Variants in TMOD2 observed in about 807,000 individuals in gnomAD.
The protein encoded by TMOD2 is tropomodulin-2.
In TMOD2, 22 loss-of-function variants were observed where a neutral mutation model predicts 39.9. The ratio of observed to expected loss-of-function variants is 0.55; its 90% CI spans 0.39 to 0.79. The LOEUF (loss-of-function observed/expected upper bound fraction) is 0.79, where lower values mean the gene tolerates loss of function less well. TMOD2 is among the 30% of genes least tolerant of loss of function. The pLI, the probability that TMOD2 is intolerant of heterozygous loss-of-function variation, is 0.00. For missense variants in TMOD2, 386 were observed against 413.3 expected (o/e 0.93, Z 0.57); for synonymous variants, 123 against 146.1 (o/e 0.84, Z 1.14).
intron 8 of TMOD2, 151 bp from the exon 9 acceptor site, chr15:51,806,226 A>G (rs2056120461): frequency 2.6e-6 from 2 of 756,588 alleles, no homozygotes. Context: ...ACTGTGAGAG[A>G]AAACTTCTCA....
rs2056170766 is a variant in TMOD2, at chr15:51,813,645, G to C, written c.*5191G>C. On this transcript the variant is annotated 3_prime_UTR_variant, in exon 10 of 10. Coordinates refer to ENST00000249700, the MANE Select transcript of TMOD2 (RefSeq NM_014548.4). The stretch of plus-strand genomic sequence containing the variant: ...TATAGGGGGAAGAGCACTGGATTTG[G>C]AGTCAAGAAACCTGGACACTTGGCT... 6.6e-6 allele frequency: 1 copy of C among 152,286 alleles called. No individual in the cohort carries two copies. The highest frequency in any genetic ancestry group is 3.4e-3 in the Middle Eastern group (1 of 296). 9.4% of individuals were successfully genotyped at this position (152,286 alleles called of 1,614,324 possible).
At chr15:51,781,803 GGAGA>G (rs370122360) in intron 6 of TMOD2, among the ~76,000 whole-genome samples, 2 of 149,332 alleles carry the variant, frequency 1.3e-5, no homozygotes, top group African/African-American at 5.0e-5. Context: ...GGAAAGAGTA[GGAGA>G]GAGAGAGAGA....
chr15:51,768,458 C>CTATT, intron 3 of TMOD2, 40 bp downstream of exon 3: 1 of 1,499,834 alleles, frequency 6.7e-7, no homozygotes. Flanking sequence ...CAGAGGTTCT[C>CTATT]TCTTTTTTTT....
intron 4 of TMOD2, among the ~76,000 whole-genome samples, 168 bp downstream of exon 4, chr15:51,774,002 C>A (rs899631865): frequency 1.3e-5 from 2 of 152,174 alleles, no homozygotes; most frequent in Non-Finnish European, 2.9e-5. Flanking sequence ...ACTCTCTGAG[C>A]AAATGTTATT....
At chr15:51,786,029 A>AAGAT (rs1324432487) in intron 7 of TMOD2, among the ~76,000 whole-genome samples, 1 of 152,160 alleles carries the variant, frequency 6.6e-6, no homozygotes. Context: ...GGACCACAGG[A>AAGAT]AGATATACGT....
At chr15:51,799,184 A>G (rs2056072326) in intron 8 of TMOD2, among the ~76,000 whole-genome samples, 1 of 152,122 alleles carries the variant, frequency 6.6e-6, no homozygotes, top group Admixed American at 6.5e-5. Context: ...CAGACACTAT[A>G]TCTTGAAAAG....
In TMOD2 at chr15:51,812,878, T is replaced by C. The variant is rs909328602; in HGVS notation, c.*4424T>C. On this transcript the variant is annotated 3_prime_UTR_variant, in exon 10 of 10. Transcript: ENST00000249700. ...CTTCCACTTGCAGCTTCCCTTTACCTCCTCTTATTGCTTTCATCTCAAATA... is the reference window on the plus strand; with the variant it reads ...CTTCCACTTGCAGCTTCCCTTTACCCCCTCTTATTGCTTTCATCTCAAATA... 14 of 152,124 alleles carry C rather than the reference T, an allele frequency of 9.2e-5. No individual in the cohort carries two copies. The highest frequency in any genetic ancestry group is 3.1e-4 in the African/African-American group (13 of 41,396). The allele number at this position is 152,124 out of a possible 1,614,324, so 9.4% of individuals were successfully genotyped here. A position where few individuals can be genotyped will look rare whatever the true frequency, so the allele number is the denominator to read the frequency against.
intron 7 of TMOD2, among the ~76,000 whole-genome samples, chr15:51,793,597 G>A (rs1290477818): frequency 6.6e-6 from 1 of 152,136 alleles, no homozygotes; most frequent in South Asian, 2.1e-4. Context: ...TCTAGTCTTT[G>A]TTTTACTAAT....
rs1396529090 is a variant in TMOD2 at position 51,808,523 on chromosome 15, C to G, written c.*69C>G. On this transcript the variant is annotated 3_prime_UTR_variant, in exon 10 of 10. Transcript: ENST00000249700. ...GAAAAACAAAAACTCTTCTTCTTCC[C>G]CATCAGGACCATTTTATCAAAGTTC... 1.6e-6 allele frequency: 2 copies of G among 1,269,884 alleles called. No homozygotes were observed. Among genetic ancestry groups the G allele is most frequent in the Admixed American group, 2.0e-5 (1 of 48,842 alleles). The allele number at this position is 1,269,884 out of a possible 1,614,324, so 78.7% of individuals were successfully genotyped here.
At chr15:51,801,595 C>A (rs2056090691) in intron 8 of TMOD2, among the ~76,000 whole-genome samples, 1 of 152,164 alleles carries the variant, frequency 6.6e-6, no homozygotes, top group African/African-American at 2.4e-5. Flanking sequence ...CCACTGGGGG[C>A]AGGCTGCTGT....
At chr15:51,777,529 C>T (rs1456137404) in intron 5 of TMOD2, among the ~76,000 whole-genome samples, 1 of 152,180 alleles carries the variant, frequency 6.6e-6, no homozygotes, top group Non-Finnish European at 1.5e-5. Context: ...GTGCACAGGA[C>T]ATTCCACACC....
At chr15:51,755,744 G>A (rs1487755370) in intron 1 of TMOD2, among the ~76,000 whole-genome samples, 4 of 152,008 alleles carry the variant, frequency 2.6e-5, no homozygotes, top group Non-Finnish European at 5.9e-5. Flanking sequence ...ACATCATCTA[G>A]GTAAGCACTC....
chr15:51,771,293 G>T (rs147889669), intron 3 of TMOD2, among the ~76,000 whole-genome samples: 2 of 152,168 alleles, frequency 1.3e-5, no homozygotes, highest in Admixed American at 1.3e-4. Flanking sequence ...CAGGAGCAGC[G>T]GGAGGCTACT....
chr15:51,799,045 C>T (rs1345575652), intron 8 of TMOD2, among the ~76,000 whole-genome samples: 1 of 152,192 alleles, frequency 6.6e-6, no homozygotes, highest in African/African-American at 2.4e-5. Context: ...CCAGCGTCAG[C>T]CTGCAGTGCC....
chr15:51,756,390 C>G (rs1447425914), intron 1 of TMOD2: 1 of 152,258 alleles, frequency 6.6e-6, no homozygotes, highest in Non-Finnish European at 1.5e-5. Context: ...AGAGAAATAG[C>G]TTTGACTGAG....
At chr15:51,780,989 A>T in intron 5 of TMOD2, 55 bp from the exon 6 acceptor site, 1 of 1,485,664 alleles carries the variant, frequency 6.7e-7, no homozygotes, top group Non-Finnish European at 9.1e-7. Flanking sequence ...GGAAGTCACC[A>T]CTGATTTTGA....
At chr15:51,755,918 C>A (rs142476023) in intron 1 of TMOD2, among the ~76,000 whole-genome samples, 1 of 151,626 alleles carries the variant, frequency 6.6e-6, no homozygotes, top group Non-Finnish European at 1.5e-5. Context: ...AGCAGGAAAC[C>A]CGGTGCCAAT....
chr15:51,762,788 T>C (rs1055036671), intron 1 of TMOD2, among the ~76,000 whole-genome samples: 1 of 152,234 alleles, frequency 6.6e-6, no homozygotes, highest in Non-Finnish European at 1.5e-5. Context: ...TTTAGATAAA[T>C]GGAATCCTGC....
At chr15:51,777,555 A>G (rs889332360) in intron 5 of TMOD2, among the ~76,000 whole-genome samples, 3 of 152,200 alleles carry the variant, frequency 2.0e-5, no homozygotes, top group African/African-American at 7.2e-5. Context: ...CTTCTATGTC[A>G]ACGTTTCCTA....
Sources: gnomAD v4.1 joint callset for allele counts (sites outside exome capture counted in the v4.1 genomes callset) on GRCh38, gnomAD v4.1.1 for gene constraint, MANE v1.5 for transcripts, NCBI Gene and HGNC (gene_info 2026-07-23, HGNC 2026-07-21) for gene names.